EHD3: variants seen among roughly 807,000 people sequenced by gnomAD.
EHD3 encodes the protein EH domain containing 3.
Under a neutral mutation model 43.0 loss-of-function variants are expected in EHD3, and 17 were observed. That is an observed-to-expected ratio of 0.40 (90% CI 0.27 to 0.59). The LOEUF is 0.59. Among genes scored for constraint, EHD3 ranks in the 20% least tolerant of loss-of-function variants. The probability of loss-of-function intolerance (pLI) is 0.49; values close to 1 mark genes in which losing one functional copy is unlikely to be tolerated. For missense variants in EHD3, 594 were observed against 705.6 expected (o/e 0.84, Z 1.79); for synonymous variants, 313 against 289.5 (o/e 1.08, Z -0.82).
At chr2:31,252,237 G>C (rs919440475) in intron 3 of EHD3, among the ~76,000 whole-genome samples, 1 of 152,126 alleles carries the variant, frequency 6.6e-6, no homozygotes, top group African/African-American at 2.4e-5. Flanking sequence ...ATGAAAACAC[G>C]GGCCATAGCC....
intron 2 of EHD3, among the ~76,000 whole-genome samples, 167 bp from the exon 3 acceptor site, chr2:31,249,204 C>T (rs552790436): frequency 3.3e-5 from 5 of 152,284 alleles, no homozygotes; most frequent in Admixed American, 6.5e-5. Context: ...GGTTCAGCCC[C>T]GGGTCAGCTG....
At chr2:31,243,460 C>CTTTCTTTTTTTTTTTT (rs1553402472) in intron 1 of EHD3, among the ~76,000 whole-genome samples, 16 of 98,478 alleles carry the variant, frequency 1.6e-4, no homozygotes, top group African/African-American at 3.2e-4. Flanking sequence ...TTCTTTCTTT[C>CTTTCTTTTTTTTTTTT]TTTTTTTTTT....
chr2:31,256,165 C>G (rs1392028744), intron 3 of EHD3, among the ~76,000 whole-genome samples: 6 of 152,208 alleles, frequency 3.9e-5, no homozygotes, highest in Non-Finnish European at 5.9e-5. Flanking sequence ...TGGACTCACC[C>G]AGGCCAGTGC....
chr2:31,263,030 A>C (rs1423428331), intron 5 of EHD3, among the ~76,000 whole-genome samples: 1 of 152,238 alleles, frequency 6.6e-6, no homozygotes, highest in Non-Finnish European at 1.5e-5. Flanking sequence ...TTCTCAGTTT[A>C]AATCTAGGTT....
chr2:31,252,076 C>T (rs929508011), intron 3 of EHD3, among the ~76,000 whole-genome samples: 16 of 152,224 alleles, frequency 1.1e-4, no homozygotes, highest in Non-Finnish European at 1.8e-4. Flanking sequence ...ACTCCAGCCT[C>T]TGCGGTTTCC....
intron 2 of EHD3, 111 bp downstream of exon 2, chr2:31,244,561 T>C (rs1036913606): frequency 8.4e-7 from 1 of 1,194,478 alleles, no homozygotes; most frequent in Non-Finnish European, 1.2e-6. Flanking sequence ...TAGAGTCTCC[T>C]GTCAATCTTT....
At chr2:31,244,839 G>GAT (rs1180358179) in intron 2 of EHD3, among the ~76,000 whole-genome samples, 4 of 152,152 alleles carry the variant, frequency 2.6e-5, no homozygotes, top group African/African-American at 9.7e-5. Flanking sequence ...TCTATTCACG[G>GAT]ATATTGTTTC....
At chr2:31,248,871 A>C (rs1197885204) in intron 2 of EHD3, among the ~76,000 whole-genome samples, 1 of 152,214 alleles carries the variant, frequency 6.6e-6, no homozygotes, top group Non-Finnish European at 1.5e-5. Flanking sequence ...GGTTTGGGAC[A>C]GACCCTTGAA....
At chr2:31,263,046 T>G (rs1364337553) in intron 5 of EHD3, among the ~76,000 whole-genome samples, 1 of 152,244 alleles carries the variant, frequency 6.6e-6, no homozygotes, top group Non-Finnish European at 1.5e-5. Flanking sequence ...AGGTTTTTCA[T>G]AACATCACTA....
chr2:31,259,658 T>A (rs1393201569), intron 3 of EHD3, among the ~76,000 whole-genome samples: 1 of 152,212 alleles, frequency 6.6e-6, no homozygotes, highest in Non-Finnish European at 1.5e-5. Flanking sequence ...GGAAAGAGCC[T>A]GAGTGAGAAC....
intron 3 of EHD3, among the ~76,000 whole-genome samples, chr2:31,254,389 A>G (rs1262146502): frequency 6.6e-6 from 1 of 152,156 alleles, no homozygotes; most frequent in African/African-American, 2.4e-5. Flanking sequence ...TTCCCAGACT[A>G]CGTGCCGGTA....
At chr2:31,237,280 A>G (rs1001278805) in intron 1 of EHD3, among the ~76,000 whole-genome samples, 1 of 151,736 alleles carries the variant, frequency 6.6e-6, no homozygotes, top group Non-Finnish European at 1.5e-5. Context: ...ATTTTAATTT[A>G]CATATAAAAT....
intron 3 of EHD3, among the ~76,000 whole-genome samples, chr2:31,254,986 C>T (rs755758415): frequency 4.6e-5 from 7 of 152,196 alleles, no homozygotes; most frequent in Non-Finnish European, 7.3e-5. Context: ...TGATGGAAGC[C>T]GGCGGGTGAG....
At chr2:31,243,460 C>CTTTCTTTCT (rs1553402472) in intron 1 of EHD3, among the ~76,000 whole-genome samples, 34 of 98,478 alleles carry the variant, frequency 3.5e-4, no homozygotes, top group Admixed American at 7.0e-4. Context: ...TTCTTTCTTT[C>CTTTCTTTCT]TTTTTTTTTT....
Position 31,266,941 on chromosome 2 carries a change from CT to C in EHD3, c.*238del. 1.8e-6 allele frequency: 1 copy of C among 548,820 alleles called. No individual in the cohort carries two copies. The highest frequency in any genetic ancestry group is 3.0e-5 in the East Asian group (1 of 32,854). The allele number at this position is 548,820 out of a possible 1,614,324, so 34.0% of individuals were successfully genotyped here. A position where few individuals can be genotyped will look rare whatever the true frequency, so the allele number is the denominator to read the frequency against. ...CAAGAGCACTCCCAGGCCCCAGAGTCTAAGCCTAAGTCTCTATCGCTCTTCC... is the reference window on the plus strand; with the variant it reads ...CAAGAGCACTCCCAGGCCCCAGAGTCAAGCCTAAGTCTCTATCGCTCTTCC... On this transcript the variant is annotated 3_prime_UTR_variant, in exon 6 of 6. Coordinates refer to ENST00000322054, the MANE Select transcript of EHD3 (RefSeq NM_014600.3). This position sits in a 1 kb window ranked among gnomAD's most constrained non-coding sequence, Gnocchi z 5.1.
intron 3 of EHD3, among the ~76,000 whole-genome samples, chr2:31,258,939 C>T (rs1222948774): frequency 1.3e-5 from 2 of 152,154 alleles, no homozygotes; most frequent in African/African-American, 2.4e-5. Flanking sequence ...AAGTCAGGAC[C>T]CCTGTTAAAG....
intron 3 of EHD3, among the ~76,000 whole-genome samples, chr2:31,255,180 C>A (rs1329588241): frequency 6.6e-6 from 1 of 152,224 alleles, no homozygotes; most frequent in African/African-American, 2.4e-5. Flanking sequence ...CAGACTTGTG[C>A]TATGAAGTCC....
At chr2:31,239,353 C>T (rs1043356657) in intron 1 of EHD3, among the ~76,000 whole-genome samples, 3 of 152,128 alleles carry the variant, frequency 2.0e-5, no homozygotes, top group African/African-American at 7.2e-5. Context: ...TCTGCTGGGT[C>T]TCTAAAGGGG....
At chr2:31,247,399 CAAAT>C (rs1468858992) in intron 2 of EHD3, among the ~76,000 whole-genome samples, 3 of 151,562 alleles carry the variant, frequency 2.0e-5, no homozygotes, top group African/African-American at 7.3e-5. Flanking sequence ...TGTTGTGAAA[CAAAT>C]AACATGCACA....
Sources: gnomAD v4.1 joint callset for allele counts (sites outside exome capture counted in the v4.1 genomes callset) on GRCh38, gnomAD v4.1.1 for gene constraint, Gnocchi (gnomAD v3.1) non-coding constraint, MANE v1.5 for transcripts, NCBI Gene and HGNC (gene_info 2026-07-23, HGNC 2026-07-21) for gene names.